TNFAIP2: variants seen among roughly 807,000 people sequenced by gnomAD.
TNFAIP2 encodes the protein TNF alpha induced protein 2, also known as tumor necrosis factor alpha-induced protein 2.
TNFAIP2 carries 47 observed loss-of-function variants against 63.5 expected under a neutral mutation model. The ratio of observed to expected loss-of-function variants is 0.74; its 90% CI spans 0.59 to 0.94. The LOEUF (loss-of-function observed/expected upper bound fraction) is 0.94, where lower values mean the gene tolerates loss of function less well. TNFAIP2 is among the 40% of genes least tolerant of loss of function. The pLI, the probability that TNFAIP2 is intolerant of heterozygous loss-of-function variation, is 0.00. For missense variants in TNFAIP2, 787 were observed against 850.2 expected (o/e 0.93, Z 0.92); for synonymous variants, 405 against 390.2 (o/e 1.04, Z -0.45).
At position 103,127,862 on chromosome 14, in the gene TNFAIP2, GA is replaced by G. The variant is rs2087894632; in HGVS notation, c.860+235del. Among the ~76,000 whole-genome samples the G allele has an allele frequency of 6.6e-6, 1 of 152,224 alleles. No individual in the cohort carries two copies. Among genetic ancestry groups the G allele is most frequent in the African/African-American group, 2.4e-5 (1 of 41,458 alleles). Reference sequence around the variant, plus strand: ...TGGGGCTGGGTCTGCGTTGCTCTTGGAATCCTTAATTTCCTGGGCCTCAGTC... The same window carrying G: ...TGGGGCTGGGTCTGCGTTGCTCTTGGATCCTTAATTTCCTGGGCCTCAGTC... On this transcript the variant is annotated intron_variant, in intron 3 of 11. Transcript: ENST00000560869. The surrounding 1 kb of genome is among the most constrained non-coding windows in gnomAD (Gnocchi z 5.1).
In TNFAIP2 at chr14:103,133,400, G is replaced by A. The variant is rs772588014; in HGVS notation, c.1584G>A (p.Glu528=). ...MEALHLHLVK[E]YIIQLSKGRL... Reference sequence around the variant, plus strand: ...CCTTGCACCTGCACCTGGTGAAGGAGTACATCATCCAACTCAGCAAGGGGC... The same window carrying A: ...CCTTGCACCTGCACCTGGTGAAGGAATACATCATCCAACTCAGCAAGGGGC... Residue 528 remains glutamate, a synonymous_variant, in exon 10 of 12, where the codon GAG becomes GAA. Coordinates refer to ENST00000560869, the MANE Select transcript of TNFAIP2 (RefSeq NM_006291.4). 1.6e-5 allele frequency: 26 copies of A among 1,613,796 alleles called. No homozygotes were observed. Among genetic ancestry groups the A allele is most frequent in the Non-Finnish European group, 2.0e-5 (24 of 1,180,032 alleles).
chr14:103,129,629 T>C (rs1378617321), intron 3 of TNFAIP2, 111 bp from the exon 4 acceptor site: 1 of 904,908 alleles, frequency 1.1e-6, no homozygotes, highest in Non-Finnish European at 1.8e-6. Flanking sequence ...CGGGAGGGTG[T>C]GCTGGGCAGT....
intron 9 of TNFAIP2, among the ~76,000 whole-genome samples, chr14:103,133,153 T>C (rs376480634): frequency 0.082 from 11,531 of 139,858 alleles, 572 homozygotes; most frequent in Middle Eastern, 0.16. Context: ...AACACACACA[T>C]GTGAACACGT....
At chr14:103,133,829 C>T in intron 11 of TNFAIP2, 26 bp downstream of exon 11, 2 of 1,567,190 alleles carry the variant, frequency 1.3e-6, no homozygotes, top group South Asian at 2.3e-5. Flanking sequence ...ACCTCAGGAC[C>T]ACTGTCACAT....
chr14:103,122,692 G>A (rs61740958), upstream of TNFAIP2: 8,332 of 456,002 alleles, frequency 0.018, 573 homozygotes, highest in African/African-American at 0.15. Flanking sequence ...TGATCCAGAC[G>A]AGGCCCTGGA....
Position 103,127,592 on chromosome 14 carries a change from T to C in TNFAIP2, c.823T>C (p.Tyr275His), listed in dbSNP as rs770667698. 1.3e-4 allele frequency: 196 copies of C among 1,547,250 alleles called. No individual in the cohort carries two copies. The highest frequency in any genetic ancestry group is 1.7e-4 in the Non-Finnish European group (190 of 1,149,374). The change falls in exon 3 of 12, where the codon TAC (tyrosine) becomes CAC (histidine). Residue 275 changes from tyrosine (Y) to histidine (H), a missense_variant. This residue lies in a region of TNFAIP2 where 523 missense variants were observed against 604.1 expected (regional missense o/e 0.87). Coordinates refer to ENST00000560869, the MANE Select transcript of TNFAIP2 (RefSeq NM_006291.4). This position sits in a 1 kb window ranked among gnomAD's most constrained non-coding sequence, Gnocchi z 5.1. ...GTTCGAGCTGTGCGAGCGCGACACC[T>C]ACATGCTGCTGCTCTGGGTGCAGAA... ...AQFELCERDT[Y>H]MLLLWVQNLY...
chr14:103,130,064 T>G lies in TNFAIP2; in HGVS notation c.1038T>G (p.Asp346Glu), dbSNP rs140912090. Reference protein sequence around the residue: ...LELEARRWAEDVPPQRLDGHC... With the variant: ...LELEARRWAEEVPPQRLDGHC... ...TAGAGGCACGGCGCTGGGCTGAGGA[T>G]GTGCCTCCCCAGAGGCTGGACGGCC... The change falls in exon 5 of 12, where the codon GAT (aspartate) becomes GAG (glutamate). Residue 346 changes from aspartate to glutamate, a missense_variant. Physicochemically the swap from Asp to Glu is conservative, Grantham distance 45 (BLOSUM62 2). Transcript: ENST00000560869. The G allele has an allele frequency of 1.9e-6, 3 of 1,613,286 alleles. No homozygotes were observed. The highest frequency in any genetic ancestry group is 2.7e-5 in the African/African-American group (2 of 74,870).
At position 103,127,226 on chromosome 14, in the gene TNFAIP2, C is replaced by A; in HGVS notation, c.457C>A (p.Gln153Lys). The A allele has an allele frequency of 9.2e-7, 1 of 1,088,476 alleles. No homozygotes were observed. The highest frequency in any genetic ancestry group is 1.1e-6 in the Non-Finnish European group (1 of 894,042). The allele number at this position is 1,088,476 out of a possible 1,614,324, so 67.4% of individuals were successfully genotyped here. A position where few individuals can be genotyped will look rare whatever the true frequency, so the allele number is the denominator to read the frequency against. ...PLEAPPERLR[Q>K]ALAVVAEQER... ...GGAGGCGCCGCCCGAGCGGCTGCGC[C>A]AGGCGCTGGCCGTGGTGGCGGAGCA... The change falls in exon 3 of 12, where the codon CAG (glutamine) becomes AAG (lysine). Residue 153 changes from glutamine (Q) to lysine (K), a missense_variant. Physicochemically the swap from Gln to Lys is moderately conservative, Grantham distance 53 (BLOSUM62 1). Around this residue, in one of 3 missense-constraint regions of TNFAIP2, gnomAD observed 258 missense variants for 228.9 expected, o/e 1.13. Transcript: ENST00000560869. This position sits in a 1 kb window ranked among gnomAD's most constrained non-coding sequence, Gnocchi z 5.1.
At chr14:103,125,726 C>T (rs1441740476) in intron 1 of TNFAIP2, among the ~76,000 whole-genome samples, 3 of 152,338 alleles carry the variant, frequency 2.0e-5, no homozygotes, top group Admixed American at 6.5e-5. Flanking sequence ...AGGCTCTGCC[C>T]CTTTCATGGC....
Position 103,131,148 on chromosome 14 carries a change from C to T in TNFAIP2, c.1296C>T (p.Phe432=). 6.2e-7 allele frequency: 1 copy of T among 1,614,114 alleles called. No individual in the cohort carries two copies. Among genetic ancestry groups the T allele is most frequent in the African/African-American group, 1.3e-5 (1 of 75,044 alleles). The change falls in exon 7 of 12, where the codon TTC becomes TTT. Residue 432 remains phenylalanine, a splice_region_variant and synonymous_variant. Transcript: ENST00000560869. The surrounding 1 kb of genome is among the most constrained non-coding windows in gnomAD (Gnocchi z 4.0). ...VIANINNCLS[F]RMSMEQNWQV... ...CCAACATCAACAACTGCCTGTCCTT[C>T]CGGTGAGAGTGTTGGGAGGGGCTTG...
In TNFAIP2 at chr14:103,127,657, C is replaced by T. The variant is rs1194383838; in HGVS notation, c.860+28C>T. The T allele has an allele frequency of 5.6e-6, 8 of 1,437,476 alleles. No homozygotes were observed. Among genetic ancestry groups the T allele is most frequent in the Non-Finnish European group, 3.7e-6 (4 of 1,093,096 alleles). The allele number at this position is 1,437,476 out of a possible 1,614,324, so 89.0% of individuals were successfully genotyped here. ...GAGCAGACCAGGGGCTGGGCCCGGG[C>T]CGGCAGGGAGGGTGTCCTCTGTAGG... On this transcript the variant is annotated intron_variant, in intron 3 of 11. Transcript: ENST00000560869. The surrounding 1 kb of genome is among the most constrained non-coding windows in gnomAD (Gnocchi z 5.1).
rs537440257 is a variant in TNFAIP2 at position 103,135,025 on chromosome 14, G to T, written c.1824-194G>T. Among the ~76,000 whole-genome samples, 2 of 152,342 alleles carry T rather than the reference G, an allele frequency of 1.3e-5. No individual in the cohort carries two copies. Among genetic ancestry groups the T allele is most frequent in the East Asian group, 3.9e-4 (2 of 5,180 alleles). On this transcript the variant is annotated intron_variant, in intron 11 of 11. Transcript: ENST00000560869. The surrounding 1 kb of genome is among the most constrained non-coding windows in gnomAD (Gnocchi z 7.6). ...ATTGCAGGGGAACAGCCGGTGCGGA[G>T]GCCTGAAGCAGGCTGGGGCATGGCT...
rs1419700154 is a variant in TNFAIP2 at position 103,131,782 on chromosome 14, C to T, written c.1422+20C>T. On this transcript the variant is annotated intron_variant, in intron 8 of 11. Coordinates refer to ENST00000560869, the MANE Select transcript of TNFAIP2 (RefSeq NM_006291.4). This position sits in a 1 kb window ranked among gnomAD's most constrained non-coding sequence, Gnocchi z 4.0. ...CTGAAGGTAGCGGGAGCCTCTTGCCCTCAGGAGCCCAGTGTTGGGGGGTTC... is the reference window on the plus strand; with the variant it reads ...CTGAAGGTAGCGGGAGCCTCTTGCCTTCAGGAGCCCAGTGTTGGGGGGTTC... 3.7e-6 allele frequency: 6 copies of T among 1,605,928 alleles called. No homozygotes were observed. The highest frequency in any genetic ancestry group is 1.8e-4 in the Middle Eastern group (1 of 5,544).
In TNFAIP2 at chr14:103,123,479, A is replaced by G. The variant is rs995813914; in HGVS notation, c.-621A>G. The G allele has an allele frequency of 4.6e-5, 7 of 151,720 alleles. No individual in the cohort carries two copies. The highest frequency in any genetic ancestry group is 1.7e-4 in the African/African-American group (7 of 41,158). The allele number at this position is 151,720 out of a possible 1,614,324, so 9.4% of individuals were successfully genotyped here. A position where few individuals can be genotyped will look rare whatever the true frequency, so the allele number is the denominator to read the frequency against. On this transcript the variant is annotated 5_prime_UTR_variant, in exon 1 of 12. Coordinates refer to ENST00000560869, the MANE Select transcript of TNFAIP2 (RefSeq NM_006291.4). ...CCAGGACAGTGGCGGCCAGGCCGGG[A>G]CACGGTAAGTGACCTCCGCTTCCAC...
At chr14:103,132,629 C>T in intron 8 of TNFAIP2, 121 bp from the exon 9 acceptor site, 1 of 1,455,244 alleles carries the variant, frequency 6.9e-7, no homozygotes, top group Non-Finnish European at 9.3e-7. Flanking sequence ...CCTTGAGTGC[C>T]CCCCGCCCCT....
Position 103,135,438 on chromosome 14 carries a change from G to T in TNFAIP2, c.*78G>T. The T allele has an allele frequency of 6.6e-7, 1 of 1,521,396 alleles. No individual in the cohort carries two copies. The highest frequency in any genetic ancestry group is 1.4e-5 in the African/African-American group (1 of 72,170). The allele number at this position is 1,521,396 out of a possible 1,614,324, so 94.2% of individuals were successfully genotyped here. On this transcript the variant is annotated 3_prime_UTR_variant, in exon 12 of 12. Transcript: ENST00000560869. The surrounding 1 kb of genome is among the most constrained non-coding windows in gnomAD (Gnocchi z 7.6). ...CCCGCTGGGAGCTGTTAAGAGCAGC[G>T]CTGGTTCTCGGTTCCTCCCGGGTCT... is the stretch of plus-strand genomic sequence containing the variant.
At chr14:103,122,767 A>G (rs1180822328), upstream of TNFAIP2, 2 of 454,736 alleles carry the variant, frequency 4.4e-6, no homozygotes, top group Non-Finnish European at 8.9e-6. Context: ...CCCCAGCCCC[A>G]GAGGGGGAAA....
At position 103,126,680 on chromosome 14, in the gene TNFAIP2, C is replaced by T. The variant is rs762393607; in HGVS notation, c.223C>T (p.Pro75Ser). The T allele has an allele frequency of 5.8e-6, 9 of 1,557,626 alleles. No homozygotes were observed. Among genetic ancestry groups the T allele is most frequent in the Non-Finnish European group, 7.0e-6 (8 of 1,150,528 alleles). The change falls in exon 2 of 12, where the codon CCG becomes TCG. Residue 75 changes from proline to serine, a missense_variant. By Grantham distance (74) the Pro-to-Ser change is moderately conservative (BLOSUM62 -1). Around this residue, in one of 3 missense-constraint regions of TNFAIP2, gnomAD observed 258 missense variants for 228.9 expected, o/e 1.13. Coordinates refer to ENST00000560869, the MANE Select transcript of TNFAIP2 (RefSeq NM_006291.4). Reference sequence around the variant, plus strand: ...CGGGTCCAGGCAGGGGCTGGATGGCCCGCCCCCCACAGGTGCTCTAGGACC... The same window carrying T: ...CGGGTCCAGGCAGGGGCTGGATGGCTCGCCCCCCACAGGTGCTCTAGGACC... The part of the protein sequence containing the change: ...AAGSRQGLDG[P>S]PPTVEELKAA...
chr14:103,131,184 A>T lies in TNFAIP2; in HGVS notation c.1298+34A>T. 6.2e-7 allele frequency: 1 copy of T among 1,608,258 alleles called. No homozygotes were observed. On this transcript the variant is annotated intron_variant, in intron 7 of 11. Coordinates refer to ENST00000560869, the MANE Select transcript of TNFAIP2 (RefSeq NM_006291.4). This position sits in a 1 kb window ranked among gnomAD's most constrained non-coding sequence, Gnocchi z 4.0. ...GTTGGGAGGGGCTTGCGGGAGTGGG[A>T]GTCACTCAGCGGGCAGGAGAGGGGA... is the stretch of plus-strand genomic sequence containing the variant.
Sources: allele counts gnomAD v4.1 joint callset (sites outside exome capture counted in the v4.1 genomes callset), GRCh38; gene constraint gnomAD v4.1.1; regional missense constraint gnomAD v4.1.1; non-coding constraint Gnocchi (gnomAD v3.1); transcripts MANE v1.5; gene names NCBI Gene and HGNC (gene_info 2026-07-23, HGNC 2026-07-21).